NBEAL1: variants seen among roughly 807,000 people sequenced by gnomAD.
NBEAL1 encodes the protein neurobeachin like 1, also known as neurobeachin-like protein 1.
NBEAL1 carries 273 observed loss-of-function variants against 351.3 expected under a neutral mutation model. The observed-to-expected ratio is 0.78, with a 90% CI of 0.70 to 0.86. The LOEUF (loss-of-function observed/expected upper bound fraction) is 0.86. NBEAL1 is among the 40% of genes least tolerant of loss of function. The pLI is 0.00. For synonymous variants in NBEAL1, 1,050 were observed against 1,086.4 expected, an observed-to-expected ratio of 0.97 and a Z score of 0.66; for missense variants, 2,961 against 3,201.3, an observed-to-expected ratio of 0.92 and a Z score of 1.81.
intron 2 of NBEAL1, among the ~76,000 whole-genome samples, chr2:203,034,535 T>C (rs185778234): frequency 1.4e-5 from 2 of 143,580 alleles, no homozygotes; most frequent in African/African-American, 2.5e-5. Flanking sequence ...CTCGGCTCAC[T>C]GAAACCTCCA....
At chr2:203,198,707 C>CA (rs1227172071) in intron 48 of NBEAL1, among the ~76,000 whole-genome samples, 1 of 151,592 alleles carries the variant, frequency 6.6e-6, no homozygotes, top group Non-Finnish European at 1.5e-5. Flanking sequence ...ACTAAAAATA[C>CA]AAAAAATTAG....
chr2:203,023,124 T>C (rs2060795707), intron 2 of NBEAL1, among the ~76,000 whole-genome samples: 1 of 152,228 alleles, frequency 6.6e-6, no homozygotes. Flanking sequence ...TGAATATCTG[T>C]TTAATGAGAA....
chr2:203,019,146 G>T (rs1264009479), intron 2 of NBEAL1, among the ~76,000 whole-genome samples: 1 of 151,936 alleles, frequency 6.6e-6, no homozygotes, highest in Non-Finnish European at 1.5e-5. Flanking sequence ...TTATTTAATT[G>T]TTCCTCTCTT....
chr2:203,113,394 T>C, intron 17 of NBEAL1, 76 bp downstream of exon 17: 1 of 764,448 alleles, frequency 1.3e-6, no homozygotes, highest in Non-Finnish European at 1.8e-6. Flanking sequence ...GAAGAATATA[T>C]TTAGAATATA....
intron 5 of NBEAL1, among the ~76,000 whole-genome samples, chr2:203,056,820 G>A (rs2061411098): frequency 6.6e-6 from 1 of 152,084 alleles, no homozygotes; most frequent in Non-Finnish European, 1.5e-5. Context: ...TGCCCGCCTC[G>A]GCCTCCCAAA....
intron 36 of NBEAL1, among the ~76,000 whole-genome samples, chr2:203,158,940 C>T (rs1307102940): frequency 6.6e-6 from 1 of 151,662 alleles, no homozygotes; most frequent in Non-Finnish European, 1.5e-5. Flanking sequence ...CTGCCGCAGC[C>T]TCCTGAGTAG....
At chr2:203,145,286 CTTAGAA>C (rs912070825) in intron 33 of NBEAL1, 126 bp downstream of exon 33, 8 of 850,382 alleles carry the variant, frequency 9.4e-6, no homozygotes, top group African/African-American at 1.7e-5. Context: ...TAAAAATTAT[CTTAGAA>C]TTAGAAGAAA....
At chr2:203,025,339 A>G (rs2060839443) in intron 2 of NBEAL1, among the ~76,000 whole-genome samples, 1 of 152,200 alleles carries the variant, frequency 6.6e-6, no homozygotes. Flanking sequence ...AAACTTTAAA[A>G]ATTTCTATAT....
intron 33 of NBEAL1, among the ~76,000 whole-genome samples, chr2:203,148,563 A>G (rs2063566772): frequency 6.6e-6 from 1 of 152,130 alleles, no homozygotes; most frequent in African/African-American, 2.4e-5. Flanking sequence ...TTAATTTCAC[A>G]GATTAAAATT....
intron 6 of NBEAL1, among the ~76,000 whole-genome samples, chr2:203,057,824 C>CTT (rs747730907): frequency 3.7e-5 from 5 of 133,676 alleles, no homozygotes; most frequent in African/African-American, 5.5e-5. Context: ...TTTCTTTTTT[C>CTT]TTTTTTTTTT....
intron 16 of NBEAL1, 34 bp downstream of exon 16, chr2:203,112,132 A>G (rs766028227): frequency 5.9e-6 from 9 of 1,524,302 alleles, no homozygotes; most frequent in Non-Finnish European, 1.8e-6. Flanking sequence ...TACGGGCCCT[A>G]TTGGTTGAGA....
intron 31 of NBEAL1, among the ~76,000 whole-genome samples, chr2:203,140,287 G>T (rs2063332983): frequency 7.5e-6 from 1 of 133,400 alleles, no homozygotes; most frequent in African/African-American, 2.8e-5. Flanking sequence ...TGGGCAACAA[G>T]AGCAAAACTC....
At position 203,130,389 on chromosome 2, in the gene NBEAL1, GC is replaced by G; in HGVS notation, c.3478del (p.Leu1160PhefsTer15). ...SPTRGQLFLL[L>X]FEPGNADILY... Reference sequence around the variant, plus strand: ...CAACCAGAGGTCAGCTTTTCTTACTGCTTTTTGAACCAGGAAATGCTGACAT... The same window carrying G: ...CAACCAGAGGTCAGCTTTTCTTACTGTTTTTGAACCAGGAAATGCTGACAT... On this transcript the variant is annotated frameshift_variant, in exon 25 of 56. Coordinates refer to ENST00000683969, the MANE Select transcript of NBEAL1 (RefSeq NM_001378026.1). LOFTEE classifies it high-confidence loss of function. 6.5e-7 allele frequency: 1 copy of G among 1,534,952 alleles called. No homozygotes were observed. The highest frequency in any genetic ancestry group is 1.2e-5 in the South Asian group (1 of 80,158).
intron 55 of NBEAL1, among the ~76,000 whole-genome samples, chr2:203,215,393 C>T (rs372091703): frequency 6.6e-6 from 1 of 152,336 alleles, no homozygotes; most frequent in South Asian, 2.1e-4. Context: ...GTCCCAGCTA[C>T]TCTGGAGGTG....
At chr2:203,119,423 G>GGTTTTTTTTTTTTTTTTTTTTTT in intron 18 of NBEAL1, among the ~76,000 whole-genome samples, 1 of 21,440 alleles carries the variant, frequency 4.7e-5, no homozygotes, top group Admixed American at 6.9e-4. Context: ...ACGGCCTGTT[G>GGTTTTTTTTTTTTTTTTTTTTTT]CTTTTTTTTT....
At chr2:203,097,712 C>A in intron 11 of NBEAL1, 79 bp downstream of exon 11, 1 of 361,194 alleles carries the variant, frequency 2.8e-6, no homozygotes, top group Middle Eastern at 1.3e-3. Flanking sequence ...TGCTTTTCTT[C>A]TTATGTCCTA....
chr2:203,151,430 A>C, intron 34 of NBEAL1, 35 bp from the exon 35 acceptor site: 1 of 1,482,922 alleles, frequency 6.7e-7, no homozygotes, highest in Non-Finnish European at 9.1e-7. Flanking sequence ...ACTTAAGCTA[A>C]ATAATTTTAC....
Position 203,060,966 on chromosome 2 carries a change from A to T in NBEAL1, c.515+3513A>T, listed in dbSNP as rs149395668. Reference sequence around the variant, plus strand: ...ATGTGTCTTTGAACATGTGTTAGACAAATGAAGGTATTCTCACACTCTGTA... The same window carrying T: ...ATGTGTCTTTGAACATGTGTTAGACTAATGAAGGTATTCTCACACTCTGTA... On this transcript the variant is annotated intron_variant, in intron 6 of 55. Transcript: ENST00000683969. Among the ~76,000 whole-genome samples, 632 of 152,374 alleles carry T rather than the reference A, an allele frequency of 4.1e-3. 3 individuals are homozygous for T. Among genetic ancestry groups the T allele is most frequent in the Non-Finnish European group, 7.1e-3 (480 of 68,040 alleles).
intron 2 of NBEAL1, among the ~76,000 whole-genome samples, chr2:203,017,849 C>G (rs965910299): frequency 3.9e-5 from 6 of 151,962 alleles, no homozygotes; most frequent in Admixed American, 6.6e-5. Flanking sequence ...CATCCCTTCT[C>G]CTTTGAAATG....
Sources: gnomAD v4.1 joint callset for allele counts (sites outside exome capture counted in the v4.1 genomes callset) on GRCh38, gnomAD v4.1.1 for gene constraint, MANE v1.5 for transcripts, NCBI Gene and HGNC (gene_info 2026-07-23, HGNC 2026-07-21) for gene names.